MAP2K6: variants seen among roughly 807,000 people sequenced by gnomAD.
MAP2K6 encodes the protein mitogen-activated protein kinase kinase 6.
A neutral mutation model predicts 53.7 loss-of-function variants in MAP2K6; 16 were observed. That is an observed-to-expected ratio of 0.30 (90% CI 0.20 to 0.45). The LOEUF is 0.45. Among genes scored for constraint, MAP2K6 ranks in the 20% least tolerant of loss-of-function variants. The pLI is 1.00. For synonymous variants in MAP2K6, 132 were observed against 143.1 expected, an observed-to-expected ratio of 0.92 and a Z score of 0.55; for missense variants, 204 against 411.9, an observed-to-expected ratio of 0.50 and a Z score of 4.37.
chr17:69,507,872 C>T (rs1209336517), intron 2 of MAP2K6, among the ~76,000 whole-genome samples: 1 of 151,872 alleles, frequency 6.6e-6, no homozygotes, highest in African/African-American at 2.4e-5. Flanking sequence ...TATGGTAAGC[C>T]CATCTTTAGT....
intron 1 of MAP2K6, among the ~76,000 whole-genome samples, chr17:69,476,868 C>G (rs1025450749): frequency 6.6e-6 from 1 of 152,214 alleles, no homozygotes; most frequent in African/African-American, 2.4e-5. Context: ...AGAAAGCCCA[C>G]AATACCGAGC....
At chr17:69,513,008 A>G (rs140158272) in intron 2 of MAP2K6, among the ~76,000 whole-genome samples, 2 of 152,278 alleles carry the variant, frequency 1.3e-5, no homozygotes, top group Non-Finnish European at 2.9e-5. Flanking sequence ...GAATTTTTGT[A>G]ATAAGCTTGG....
chr17:69,505,922 G>C, intron 2 of MAP2K6, 76 bp downstream of exon 2: 4 of 1,251,144 alleles, frequency 3.2e-6, no homozygotes, highest in Non-Finnish European at 4.6e-6. Context: ...TTTTTGGACT[G>C]CTGAGCAATG....
At chr17:69,466,114 A>C (rs1256676093) in intron 1 of MAP2K6, among the ~76,000 whole-genome samples, 2 of 7,562 alleles carry the variant, frequency 2.6e-4, no homozygotes, top group East Asian at 6.4e-3. Context: ...CAGTACTTAA[A>C]AAAAAAAAAA....
chr17:69,538,123 G>GC (rs1466609902), intron 11 of MAP2K6, among the ~76,000 whole-genome samples: 2 of 152,068 alleles, frequency 1.3e-5, no homozygotes, highest in African/African-American at 2.4e-5. Flanking sequence ...CCCGGCCTGG[G>GC]CCCCCCAAGT....
intron 2 of MAP2K6, among the ~76,000 whole-genome samples, chr17:69,515,097 C>T (rs543064187): frequency 7.2e-5 from 11 of 151,860 alleles, no homozygotes; most frequent in Admixed American, 2.0e-4. Flanking sequence ...AGGATTCTTT[C>T]GTCTTTAGCC....
intron 4 of MAP2K6, 93 bp from the exon 5 acceptor site, chr17:69,519,220 T>C: frequency 2.1e-6 from 3 of 1,426,888 alleles, no homozygotes; most frequent in Non-Finnish European, 2.8e-6. Context: ...AGAACTTGTG[T>C]CATGAACTAT....
chr17:69,520,598 T>G (rs1910414067), intron 6 of MAP2K6: 4 of 523,552 alleles, frequency 7.6e-6, no homozygotes, highest in Non-Finnish European at 1.3e-5. Context: ...AGACTCTAGG[T>G]TAAATGACTC....
chr17:69,507,418 A>T (rs375733066), intron 2 of MAP2K6, among the ~76,000 whole-genome samples: 44 of 152,104 alleles, frequency 2.9e-4, no homozygotes, highest in African/African-American at 9.4e-4. Context: ...TATTATAATC[A>T]AGATACTTCA....
intron 2 of MAP2K6, among the ~76,000 whole-genome samples, chr17:69,508,040 A>ATTT (rs1909606304): frequency 2.8e-4 from 11 of 39,420 alleles, no homozygotes; most frequent in Non-Finnish European, 3.5e-4. Context: ...ATATATATGT[A>ATTT]GTTTTTTTTT....
chr17:69,460,657 G>T lies in MAP2K6; in HGVS notation c.17-45123G>T, dbSNP rs531384213. 3.9e-5 allele frequency among the ~76,000 whole-genome samples: 6 copies of T among 152,318 alleles called. No individual in the cohort carries two copies. In the East Asian group the frequency reaches 1.2e-3, roughly 29 times the overall value. Reference sequence around the variant, plus strand: ...TCCCAATGTGTCACCCTGGAATGCAGTGGCATGATCATGGCTCACTGCAGC... The same window carrying T: ...TCCCAATGTGTCACCCTGGAATGCATTGGCATGATCATGGCTCACTGCAGC... On this transcript the variant is annotated intron_variant, in intron 1 of 11. Coordinates refer to ENST00000590474, the MANE Select transcript of MAP2K6 (RefSeq NM_002758.4).
intron 1 of MAP2K6, among the ~76,000 whole-genome samples, chr17:69,489,903 C>T (rs1183570561): frequency 6.6e-6 from 1 of 152,170 alleles, no homozygotes; most frequent in African/African-American, 2.4e-5. Context: ...TGTTCTTTTG[C>T]TAGGCTATGG....
rs1912149204 is a variant in MAP2K6, at chr17:69,552,695, G to C, written c.*10942G>C. ...TGTGTTTTTCTATATGGAAATATAT[G>C]AGCATCAAGTGATAACTTCAATAAG... is the stretch of plus-strand genomic sequence containing the variant. On this transcript the variant is annotated 3_prime_UTR_variant, in exon 12 of 12. Coordinates refer to ENST00000590474, the MANE Select transcript of MAP2K6 (RefSeq NM_002758.4). 6.6e-6 allele frequency: 1 copy of C among 152,182 alleles called. No individual in the cohort carries two copies. Among genetic ancestry groups the C allele is most frequent in the Non-Finnish European group, 1.5e-5 (1 of 68,026 alleles). 9.4% of individuals were successfully genotyped at this position (152,182 alleles called of 1,614,324 possible). A position where few individuals can be genotyped will look rare whatever the true frequency, so the allele number is the denominator to read the frequency against.
rs1311262766 is a variant in MAP2K6 at position 69,454,593 on chromosome 17, A to G, written c.16+39593A>G. Among the ~76,000 whole-genome samples the G allele has an allele frequency of 6.6e-5, 10 of 151,278 alleles. No homozygotes were observed. The East Asian group carries it at 1.9e-3, about 29-fold the overall frequency. On this transcript the variant is annotated intron_variant, in intron 1 of 11. Transcript: ENST00000590474. ...TTTTTAGTAGAGATGGGGTTTCGCT[A>G]TGTTGACCAGGCTGGTCTTGAACCC... is the stretch of plus-strand genomic sequence containing the variant.
chr17:69,540,051 T>C (rs561490111), intron 11 of MAP2K6, among the ~76,000 whole-genome samples: 3 of 152,354 alleles, frequency 2.0e-5, no homozygotes, highest in Admixed American at 6.5e-5. Flanking sequence ...TTCTGAGTCA[T>C]GATACTTAAT....
chr17:69,541,237 T>C (rs538373408), intron 11 of MAP2K6, among the ~76,000 whole-genome samples: 11 of 152,072 alleles, frequency 7.2e-5, no homozygotes, highest in Non-Finnish European at 1.3e-4. Flanking sequence ...CACTCCAGCC[T>C]GGGCAACAGA....
rs1156887674 is a variant in MAP2K6 at position 69,552,189 on chromosome 17, G to T, written c.*10436G>T. 6.6e-6 allele frequency: 1 copy of T among 152,192 alleles called. No individual in the cohort carries two copies. The highest frequency in any genetic ancestry group is 1.5e-5 in the Non-Finnish European group (1 of 68,042). The allele number at this position is 152,192 out of a possible 1,614,324, so 9.4% of individuals were successfully genotyped here. ...TGTTTATTGCAAAGAGAGCCTTTGG[G>T]CAAGTGGAAAATGCCCTGATGCTAG... On this transcript the variant is annotated 3_prime_UTR_variant, in exon 12 of 12. Transcript: ENST00000590474.
At chr17:69,509,151 C>G (rs1228235870) in intron 2 of MAP2K6, among the ~76,000 whole-genome samples, 1 of 152,132 alleles carries the variant, frequency 6.6e-6, no homozygotes, top group African/African-American at 2.4e-5. Context: ...GAGAAACTTA[C>G]TGAGATTTTA....
chr17:69,511,582 A>G (rs1271687532), intron 2 of MAP2K6, among the ~76,000 whole-genome samples: 3 of 152,144 alleles, frequency 2.0e-5, no homozygotes, highest in South Asian at 2.1e-4. Flanking sequence ...ATATTATTTC[A>G]TTTAACCACC....
Sources: gnomAD v4.1 joint callset for allele counts (sites outside exome capture counted in the v4.1 genomes callset) on GRCh38, gnomAD v4.1.1 for gene constraint, MANE v1.5 for transcripts, NCBI Gene and HGNC (gene_info 2026-07-23, HGNC 2026-07-21) for gene names.